Variants in PCBP2 observed in about 807,000 individuals in gnomAD.
PCBP2 encodes poly(rC)-binding protein 2.
PCBP2 carries 4 observed loss-of-function variants against 50.1 expected under a neutral mutation model. The ratio of observed to expected loss-of-function variants is 0.08; its 90% CI spans 0.04 to 0.18. The LOEUF (loss-of-function observed/expected upper bound fraction) is 0.18, where lower values mean the gene tolerates loss of function less well. PCBP2 is among the 10% of genes least tolerant of loss of function. The pLI is 1.00. For missense variants in PCBP2, 161 were observed against 474.3 expected, an observed-to-expected ratio of 0.34 and a Z score of 6.14; for synonymous variants, 179 against 168.0, an observed-to-expected ratio of 1.07 and a Z score of -0.51.
At chr12:53,459,459 C>G (rs781759259) in intron 6 of PCBP2, 56 bp downstream of exon 6, 2 of 1,524,858 alleles carry the variant, frequency 1.3e-6, no homozygotes, top group African/African-American at 1.4e-5. Flanking sequence ...CAAATTGGCT[C>G]TTTGTATGGC....
At chr12:53,464,637 G>T in intron 8 of PCBP2, 123 bp from the exon 9 acceptor site, 1 of 1,336,508 alleles carries the variant, frequency 7.5e-7, no homozygotes, top group Admixed American at 2.7e-5. Context: ...TTCAAATTGT[G>T]TCTGAGCTCC....
At chr12:53,475,127 C>T (rs1197350967) in intron 14 of PCBP2, 5 of 456,258 alleles carry the variant, frequency 1.1e-5, no homozygotes, top group East Asian at 6.9e-5. Flanking sequence ...CTAAGGGTAC[C>T]GGGGCTTCAG....
chr12:53,480,560 A>G lies in PCBP2; in HGVS notation c.*1118A>G, dbSNP rs751811299. On this transcript the variant is annotated 3_prime_UTR_variant, in exon 15 of 15. Coordinates refer to ENST00000546463, the MANE Select transcript of PCBP2 (RefSeq NM_031989.5). Reference sequence around the variant, plus strand: ...TTACAGTAGGACAGTCCCCACCCCAATCAGGCACCAGGATAAAAGCAGGGA... The same window carrying G: ...TTACAGTAGGACAGTCCCCACCCCAGTCAGGCACCAGGATAAAAGCAGGGA... 7 of 152,664 alleles carry G rather than the reference A, an allele frequency of 4.6e-5. No individual in the cohort carries two copies. Among genetic ancestry groups the G allele is most frequent in the African/African-American group, 1.2e-4 (5 of 41,426 alleles). The allele number at this position is 152,664 out of a possible 1,614,324, so 9.5% of individuals were successfully genotyped here. A position where few individuals can be genotyped will look rare whatever the true frequency, so the allele number is the denominator to read the frequency against.
intron 12 of PCBP2, chr12:53,468,245 T>G (rs1408350785): frequency 5.0e-6 from 1 of 199,006 alleles, no homozygotes. Flanking sequence ...TCCCCTCACC[T>G]GACTGCCATT....
At chr12:53,459,444 T>G (rs1288259740) in intron 6 of PCBP2, 41 bp downstream of exon 6, 1 of 1,575,176 alleles carries the variant, frequency 6.3e-7, no homozygotes, top group Non-Finnish European at 8.7e-7. Flanking sequence ...GTTAACTATT[T>G]GTTCCAAATT....
At chr12:53,476,231 C>A (rs539163943) in intron 14 of PCBP2, among the ~76,000 whole-genome samples, 1 of 152,152 alleles carries the variant, frequency 6.6e-6, no homozygotes. Flanking sequence ...CTGCTCCCCA[C>A]CAGCACTATC....
Position 53,459,290 on chromosome 12 carries a change from A to T in PCBP2, c.262A>T (p.Thr88Ser). ...KLEEDISSSM[T>S]NSTAASRPPV... ...TCTGTAGGACATAAGCAGCTCTATG[A>T]CCAATAGCACAGCTGCCAGTAGACC... Residue 88 changes from threonine to serine, a missense_variant, in exon 6 of 15, where the codon ACC (threonine) becomes TCC (serine). By Grantham distance (58) the Thr-to-Ser change is moderately conservative. Coordinates refer to ENST00000546463, the MANE Select transcript of PCBP2 (RefSeq NM_031989.5). 1 of 1,611,894 alleles carries T rather than the reference A, an allele frequency of 6.2e-7. No homozygotes were observed.
At chr12:53,471,872 G>T (rs1184803077) in intron 14 of PCBP2, 65 bp downstream of exon 14, 2 of 1,448,294 alleles carry the variant, frequency 1.4e-6, no homozygotes, top group Non-Finnish European at 1.9e-6. Flanking sequence ...GGGGAGAGCT[G>T]CAGTGTATTA....
intron 14 of PCBP2, among the ~76,000 whole-genome samples, chr12:53,477,860 T>C (rs892444818): frequency 1.3e-5 from 2 of 152,162 alleles, no homozygotes; most frequent in Non-Finnish European, 2.9e-5. Flanking sequence ...AATCATGTTT[T>C]CATGACCACA....
At chr12:53,466,499 T>G (rs1023513699) in intron 10 of PCBP2, among the ~76,000 whole-genome samples, 3 of 152,326 alleles carry the variant, frequency 2.0e-5, no homozygotes, top group African/African-American at 7.2e-5. Flanking sequence ...TAAAACCTCC[T>G]ATTTAAAAGT....
At position 53,480,534 on chromosome 12, in the gene PCBP2, G is replaced by A. The variant is rs1942980688; in HGVS notation, c.*1092G>A. On this transcript the variant is annotated 3_prime_UTR_variant, in exon 15 of 15. Coordinates refer to ENST00000546463, the MANE Select transcript of PCBP2 (RefSeq NM_031989.5). ...TTATATTTCAAGGTTTTTCACAGGG[G>A]TTACAGTAGGACAGTCCCCACCCCA... is the stretch of plus-strand genomic sequence containing the variant. 6.6e-6 allele frequency: 1 copy of A among 152,542 alleles called. No individual in the cohort carries two copies. Among genetic ancestry groups the A allele is most frequent in the South Asian group, 2.1e-4 (1 of 4,830 alleles). The allele number at this position is 152,542 out of a possible 1,614,324, so 9.4% of individuals were successfully genotyped here. A position where few individuals can be genotyped will look rare whatever the true frequency, so the allele number is the denominator to read the frequency against.
rs554094350 is a variant in PCBP2 at position 53,453,557 on chromosome 12, T to A, written c.-75-1169T>A. 5.3e-5 allele frequency among the ~76,000 whole-genome samples: 8 copies of A among 152,276 alleles called. No homozygotes were observed. In the South Asian group the frequency reaches 1.7e-3, roughly 32 times the overall value. On this transcript the variant is annotated intron_variant, in intron 1 of 14. Transcript: ENST00000546463. ...GACAGACACTTAAGCACCTAAGATATTTAGGGTATGGGCTTTGTGTTAGAG... is the reference window on the plus strand; with the variant it reads ...GACAGACACTTAAGCACCTAAGATAATTAGGGTATGGGCTTTGTGTTAGAG...
chr12:53,455,741 C>T, intron 4 of PCBP2, 144 bp from the exon 5 acceptor site: 1 of 704,778 alleles, frequency 1.4e-6, no homozygotes, highest in Non-Finnish European at 2.4e-6. Context: ...TGAGGATAGT[C>T]ATGGAGCAGT....
intron 14 of PCBP2, among the ~76,000 whole-genome samples, chr12:53,472,640 T>A (rs1467323435): frequency 6.6e-6 from 1 of 152,236 alleles, no homozygotes; most frequent in African/African-American, 2.4e-5. Context: ...ACCTTTCTTA[T>A]AAGTGTTTAA....
intron 13 of PCBP2, 98 bp from the exon 14 acceptor site, chr12:53,471,540 C>T: frequency 8.5e-7 from 1 of 1,176,514 alleles, no homozygotes; most frequent in East Asian, 2.7e-5. Context: ...GCACTCCAGC[C>T]TGGCCACAGT....
At chr12:53,458,580 T>C (rs1407233947) in intron 5 of PCBP2, among the ~76,000 whole-genome samples, 1 of 152,092 alleles carries the variant, frequency 6.6e-6, no homozygotes, top group East Asian at 1.9e-4. Flanking sequence ...GTACTGGGAT[T>C]ACAGGCATGA....
intron 14 of PCBP2, chr12:53,475,243 A>G: frequency 2.3e-6 from 1 of 439,208 alleles, no homozygotes; most frequent in Non-Finnish European, 4.6e-6. Context: ...CACCTCCTCC[A>G]GTATTATTTT....
chr12:53,469,788 A>G (rs1165260278), intron 13 of PCBP2, among the ~76,000 whole-genome samples: 22 of 119,436 alleles, frequency 1.8e-4, no homozygotes, highest in Non-Finnish European at 3.5e-4. Flanking sequence ...TTGAGACGGC[A>G]TCTTGCTCTG....
rs1323205477 is a variant in PCBP2, at chr12:53,454,742, C to T, written c.-59C>T. Reference sequence around the variant, plus strand: ...GCATTTTAGTTTTTGGCTTTCACCCCCAACCAGTGACCAAAGACTTGACCA... The same window carrying T: ...GCATTTTAGTTTTTGGCTTTCACCCTCAACCAGTGACCAAAGACTTGACCA... On this transcript the variant is annotated 5_prime_UTR_variant, in exon 2 of 15. Transcript: ENST00000546463. 3 of 1,462,934 alleles carry T rather than the reference C, an allele frequency of 2.1e-6. No individual in the cohort carries two copies. The highest frequency in any genetic ancestry group is 1.1e-5 in the South Asian group (1 of 87,814). The allele number at this position is 1,462,934 out of a possible 1,614,324, so 90.6% of individuals were successfully genotyped here.
Sources: gnomAD v4.1 joint callset for allele counts (sites outside exome capture counted in the v4.1 genomes callset) on GRCh38, gnomAD v4.1.1 for gene constraint, MANE v1.5 for transcripts, NCBI Gene and HGNC (gene_info 2026-07-23, HGNC 2026-07-21) for gene names.